The following SIPA1L3 variants were observed in gnomAD, a reference collection of about 807,000 sequenced individuals.
SIPA1L3 encodes signal-induced proliferation-associated 1-like protein 3.
SIPA1L3 carries 59 observed loss-of-function variants against 150.1 expected under a neutral mutation model. That is an observed-to-expected ratio of 0.39 (90% CI 0.32 to 0.49). The LOEUF is 0.49. Ranked by LOEUF, SIPA1L3 falls within the 20% of genes least tolerant of loss-of-function variation. The pLI is 0.86. For missense variants in SIPA1L3, 2,211 were observed against 2,489.5 expected (o/e 0.89, Z 2.38); for synonymous variants, 1,070 against 1,077.6 (o/e 0.99, Z 0.14).
At chr19:38,201,214 C>T (rs947478593) in intron 19 of SIPA1L3, among the ~76,000 whole-genome samples, 4 of 152,198 alleles carry the variant, frequency 2.6e-5, no homozygotes, top group Admixed American at 2.0e-4. Flanking sequence ...GGCACTAGGG[C>T]GGTGGCCAGC....
intron 19 of SIPA1L3, among the ~76,000 whole-genome samples, chr19:38,199,373 C>T (rs1011120796): frequency 1.3e-5 from 2 of 152,170 alleles, no homozygotes; most frequent in Admixed American, 1.3e-4. Flanking sequence ...TGCCCAGACA[C>T]TGACCACTCC....
intron 1 of SIPA1L3, among the ~76,000 whole-genome samples, chr19:37,966,323 G>T (rs1183780160): frequency 6.6e-6 from 1 of 152,188 alleles, no homozygotes; most frequent in Admixed American, 6.5e-5. Flanking sequence ...CTTGCCTCGG[G>T]CTCAGTGAGG....
intron 15 of SIPA1L3, among the ~76,000 whole-genome samples, chr19:38,169,642 G>A (rs1972283959): frequency 6.6e-6 from 1 of 152,138 alleles, no homozygotes; most frequent in Admixed American, 6.6e-5. Flanking sequence ...GGGGTATGAG[G>A]GTGTATTTGA....
Position 38,093,993 on chromosome 19 carries a change from C to A in SIPA1L3, c.1665+5142C>A, listed in dbSNP as rs562904760. On this transcript the variant is annotated intron_variant, in intron 4 of 21. Transcript: ENST00000222345. The stretch of plus-strand genomic sequence containing the variant: ...AGCCAGGAACTGTGTGGCACCCCCC[C>A]ACAAGGCCCAGTGGTTCTCATTGGC... Among the ~76,000 whole-genome samples the A allele has an allele frequency of 6.6e-5, 10 of 152,338 alleles. No individual in the cohort carries two copies. The East Asian group carries it at 1.7e-3, about 26-fold the overall frequency.
At chr19:38,064,318 C>G (rs1264607550) in intron 2 of SIPA1L3, among the ~76,000 whole-genome samples, 2 of 152,222 alleles carry the variant, frequency 1.3e-5, no homozygotes. Context: ...CCTGGGCTGT[C>G]TGGCCCCTGA....
intron 9 of SIPA1L3, 148 bp from the exon 10 acceptor site, chr19:38,130,350 C>T (rs1305487639): frequency 5.1e-6 from 4 of 778,450 alleles, no homozygotes. Flanking sequence ...GCGTGTTCCC[C>T]CTGCGGGTCC....
At chr19:38,007,045 C>T (rs1041520180) in intron 1 of SIPA1L3, among the ~76,000 whole-genome samples, 14 of 152,304 alleles carry the variant, frequency 9.2e-5, no homozygotes, top group Middle Eastern at 3.4e-3. Context: ...GAAAAGAACG[C>T]GATGGCTCCC....
At chr19:38,022,910 A>C (rs1968409401) in intron 1 of SIPA1L3, among the ~76,000 whole-genome samples, 2 of 152,120 alleles carry the variant, frequency 1.3e-5, no homozygotes, top group Non-Finnish European at 2.9e-5. Context: ...CCCTCTCTTC[A>C]TCTTTACAAG....
chr19:37,938,128 G>A (rs1403194203), intron 1 of SIPA1L3, among the ~76,000 whole-genome samples: 1 of 152,152 alleles, frequency 6.6e-6, no homozygotes, highest in Admixed American at 6.5e-5. Context: ...TTCTAACATT[G>A]ATTTAGACTG....
At chr19:38,062,299 T>TTA (rs1969462912) in intron 2 of SIPA1L3, among the ~76,000 whole-genome samples, 1 of 152,196 alleles carries the variant, frequency 6.6e-6, no homozygotes, top group South Asian at 2.1e-4. Flanking sequence ...TCCCCAATCT[T>TTA]TAGAGATGAC....
chr19:37,995,370 T>C (rs1265874271), intron 1 of SIPA1L3, among the ~76,000 whole-genome samples: 1 of 152,166 alleles, frequency 6.6e-6, no homozygotes, highest in Non-Finnish European at 1.5e-5. Flanking sequence ...ATGGCTTGCT[T>C]GGCATCTCAT....
At chr19:38,022,564 C>T (rs751894284) in intron 1 of SIPA1L3, among the ~76,000 whole-genome samples, 66 of 146,080 alleles carry the variant, frequency 4.5e-4, no homozygotes, top group Non-Finnish European at 6.3e-4. Flanking sequence ...ACAAAAAAAT[C>T]GGGCGTGGTG....
At chr19:38,009,610 T>C (rs767809947) in intron 1 of SIPA1L3, among the ~76,000 whole-genome samples, 1 of 152,116 alleles carries the variant, frequency 6.6e-6, no homozygotes, top group Non-Finnish European at 1.5e-5. Flanking sequence ...AACAGCCCTA[T>C]TGAGAGTGGA....
chr19:38,202,369 C>T (rs1029259981), intron 20 of SIPA1L3, among the ~76,000 whole-genome samples: 1 of 152,132 alleles, frequency 6.6e-6, no homozygotes, highest in African/African-American at 2.4e-5. Flanking sequence ...GGGTGGATCA[C>T]TTGAGGTCAG....
rs184081237 is a variant in SIPA1L3, at chr19:37,952,258, A to G, written c.-379+44900A>G. Among the ~76,000 whole-genome samples the G allele has an allele frequency of 3.0e-3, 450 of 152,286 alleles. 3 individuals carry two copies. The highest frequency in any genetic ancestry group is 0.011 in the African/African-American group (445 of 41,560). On this transcript the variant is annotated intron_variant, in intron 1 of 21. Transcript: ENST00000222345. ...GGTAACTGAACTTCTCAGTAATGGG[A>G]GCCAAAACATTGGCCCTTTTTCCCC...
In SIPA1L3 at chr19:38,202,480, C is replaced by T. The variant is rs1325284367; in HGVS notation, c.5120+483C>T. On this transcript the variant is annotated intron_variant, in intron 20 of 21. Coordinates refer to ENST00000222345, the MANE Select transcript of SIPA1L3 (RefSeq NM_015073.3). ...GTGCGTGCCTGTAATCCCAGCTACT[C>T]GAGAGGCTGTGGCAGGAGAATTGCT... Among the ~76,000 whole-genome samples the T allele has an allele frequency of 2.6e-5, 4 of 151,934 alleles. No individual in the cohort carries two copies. The East Asian group carries it at 5.8e-4, about 22-fold the overall frequency.
chr19:38,016,677 G>A (rs1968239427), intron 1 of SIPA1L3, among the ~76,000 whole-genome samples: 1 of 152,026 alleles, frequency 6.6e-6, no homozygotes, highest in Admixed American at 6.6e-5. Context: ...ATTTTTAGTA[G>A]AGATGGGGTT....
chr19:38,075,445 T>A lies in SIPA1L3; in HGVS notation c.-310-5811T>A, dbSNP rs138069983. 5.8e-3 allele frequency among the ~76,000 whole-genome samples: 843 copies of A among 144,646 alleles called. 40 individuals are homozygous for A. In the South Asian group the frequency reaches 0.12, roughly 21 times the overall value. 94.9% of individuals were successfully genotyped at this position (144,646 alleles called of 152,430 possible). On this transcript the variant is annotated intron_variant, in intron 2 of 21. Coordinates refer to ENST00000222345, the MANE Select transcript of SIPA1L3 (RefSeq NM_015073.3). ...CACTCCAGCCTGGGTGACAGAGTGA[T>A]GCTCCGTCTCAGAAAAAAAAAGAGA...
At chr19:37,943,012 TTC>T (rs4007702) in intron 1 of SIPA1L3, among the ~76,000 whole-genome samples, 54,434 of 100,728 alleles carry the variant, frequency 0.54, 16,857 homozygotes, top group African/African-American at 0.66. Context: ...CCCAGCCTCT[TTC>T]TCTCTCTCTC....
Sources: allele counts gnomAD v4.1 joint callset (sites outside exome capture counted in the v4.1 genomes callset), GRCh38; gene constraint gnomAD v4.1.1; transcripts MANE v1.5; gene names NCBI Gene and HGNC (gene_info 2026-07-23, HGNC 2026-07-21).